Variants in PCNX1 observed in about 807,000 individuals in gnomAD.
The protein encoded by PCNX1 is pecanex 1, also known as pecanex-like protein 1.
In PCNX1, 78 loss-of-function variants were observed where a neutral mutation model predicts 242.2. The ratio of observed to expected loss-of-function variants is 0.32; its 90% CI spans 0.27 to 0.39. The LOEUF (loss-of-function observed/expected upper bound fraction) is 0.39, where lower values mean the gene tolerates loss of function less well. PCNX1 is among the 10% of genes least tolerant of loss of function. The probability of loss-of-function intolerance (pLI) is 1.00; values close to 1 mark genes in which losing one functional copy is unlikely to be tolerated. For missense variants in PCNX1, 2,581 were observed against 2,856.5 expected (o/e 0.90, Z 2.20); for synonymous variants, 1,024 against 1,032.9 (o/e 0.99, Z 0.17).
intron 26 of PCNX1, among the ~76,000 whole-genome samples, chr14:71,064,769 G>A (rs556017567): frequency 6.6e-6 from 1 of 151,920 alleles, no homozygotes; most frequent in Non-Finnish European, 1.5e-5. Flanking sequence ...CCCTCCCCTG[G>A]CCCCCATCCC....
intron 26 of PCNX1, among the ~76,000 whole-genome samples, chr14:71,067,918 TA>T (rs1044590739): frequency 2.6e-5 from 4 of 151,648 alleles, no homozygotes; most frequent in South Asian, 2.1e-4. Context: ...GTTTCACAAT[TA>T]AAAAAAAGGC....
At chr14:70,981,598 A>T (rs1466385265) in intron 6 of PCNX1, among the ~76,000 whole-genome samples, 2 of 152,176 alleles carry the variant, frequency 1.3e-5, no homozygotes, top group Non-Finnish European at 2.9e-5. Context: ...GATTACTGAG[A>T]CAGGAAATAT....
At chr14:70,939,507 T>C (rs1200504686) in intron 1 of PCNX1, among the ~76,000 whole-genome samples, 1 of 152,252 alleles carries the variant, frequency 6.6e-6, no homozygotes, top group Non-Finnish European at 1.5e-5. Context: ...CAGTTTGTTA[T>C]AACTTCTGTT....
chr14:70,922,323 G>A (rs1373700747), intron 1 of PCNX1, among the ~76,000 whole-genome samples: 1 of 151,850 alleles, frequency 6.6e-6, no homozygotes, highest in Non-Finnish European at 1.5e-5. Flanking sequence ...ATCTTTAATA[G>A]GTATTAGACA....
intron 5 of PCNX1, among the ~76,000 whole-genome samples, chr14:70,969,569 C>T (rs192642748): frequency 0.011 from 1,693 of 152,242 alleles, 14 homozygotes; most frequent in South Asian, 0.017. Flanking sequence ...AAAGAAATAC[C>T]TGAGATTGGG....
intron 1 of PCNX1, among the ~76,000 whole-genome samples, chr14:70,943,535 G>T (rs1271095649): frequency 6.6e-6 from 1 of 152,186 alleles, no homozygotes; most frequent in African/African-American, 2.4e-5. Flanking sequence ...TTTCTAAGCA[G>T]CAAAGTGTTC....
Position 70,978,156 on chromosome 14 carries a change from G to T in PCNX1, c.1819G>T (p.Asp607Tyr). ...CHDEDSSDQS[D>Y]LSRASSVQSA... is the part of the protein sequence containing the mutation. ...TGACGAAGACTCTAGTGATCAGAGT[G>T]ACTTGAGTAGAGCATCAAGTGTTCA... The change falls in exon 6 of 36, where the codon GAC (aspartate) becomes TAC (tyrosine). Residue 607 changes from aspartate (D) to tyrosine (Y), a missense_variant. Physicochemically the swap from Asp to Tyr is radical, Grantham distance 160. Around this residue, in one of 9 missense-constraint regions of PCNX1, gnomAD observed 1,204 missense variants for 1,216.7 expected, o/e 0.99. Transcript: ENST00000304743. 1 of 1,614,158 alleles carries T rather than the reference G, an allele frequency of 6.2e-7. No homozygotes were observed. Among genetic ancestry groups the T allele is most frequent in the South Asian group, 1.1e-5 (1 of 91,068 alleles).
At chr14:71,089,121 G>C in intron 29 of PCNX1, 71 bp from the exon 30 acceptor site, 1 of 1,130,010 alleles carries the variant, frequency 8.8e-7, no homozygotes, top group Non-Finnish European at 1.3e-6. Flanking sequence ...TGATGCACAC[G>C]CAGATGTAAG....
chr14:71,057,745 T>G, intron 26 of PCNX1, 21 bp downstream of exon 26: 2 of 1,534,788 alleles, frequency 1.3e-6, no homozygotes, highest in Non-Finnish European at 1.8e-6. Flanking sequence ...CATTCACCTT[T>G]TATTTCTGTA....
intron 16 of PCNX1, 52 bp downstream of exon 16, chr14:71,028,843 A>G (rs2060306292): frequency 9.0e-7 from 1 of 1,113,734 alleles, no homozygotes; most frequent in African/African-American, 1.6e-5. Flanking sequence ...TTTCTATATG[A>G]AGGTTGTTTT....
intron 2 of PCNX1, among the ~76,000 whole-genome samples, chr14:70,952,366 A>T (rs530533721): frequency 6.6e-6 from 1 of 152,330 alleles, no homozygotes; most frequent in African/African-American, 2.4e-5. Context: ...ATAAAACATT[A>T]TAAAAATACC....
At position 71,031,250 on chromosome 14, in the gene PCNX1, G is replaced by A. The variant is rs114430459; in HGVS notation, c.3559-2179G>A. The stretch of plus-strand genomic sequence containing the variant: ...ACCAGTCAAGGGAAGCTCCCTGGAA[G>A]TGTCTGTCCCTGACTCATCTACATT... On this transcript the variant is annotated intron_variant, in intron 16 of 35. Transcript: ENST00000304743. Among the ~76,000 whole-genome samples the A allele has an allele frequency of 4.7e-3, 721 of 152,334 alleles. 7 individuals are homozygous for A. Among genetic ancestry groups the A allele is most frequent in the African/African-American group, 0.017 (689 of 41,586 alleles).
At chr14:70,954,284 G>C (rs1211253961) in intron 2 of PCNX1, among the ~76,000 whole-genome samples, 1 of 152,090 alleles carries the variant, frequency 6.6e-6, no homozygotes, top group Non-Finnish European at 1.5e-5. Context: ...GCTTGCCTGT[G>C]CCATTACCAT....
At chr14:71,085,927 CT>C (rs2061977139) in intron 28 of PCNX1, 2 of 161,366 alleles carry the variant, frequency 1.2e-5, no homozygotes, top group Admixed American at 6.4e-5. Flanking sequence ...TCCTCTACGC[CT>C]TTTGCAGGAA....
chr14:70,977,735 G>C lies in PCNX1; in HGVS notation c.1398G>C (p.Glu466Asp), dbSNP rs149375520. 3.5e-4 allele frequency: 571 copies of C among 1,614,062 alleles called. No homozygotes were observed. In the African/African-American group the frequency reaches 6.8e-3, roughly 19 times the overall value. ...CGAGTACCAACAGTGGGGTTCACGA[G>C]GCCAAGGACCCCACCCCCTCTGATG... ...MEASTNSGVH[E>D]AKDPTPSDEM... The change falls in exon 6 of 36, where the codon GAG becomes GAC. Residue 466 changes from glutamate to aspartate, a missense_variant. Physicochemically the swap from Glu to Asp is conservative, Grantham distance 45. Coordinates refer to ENST00000304743, the MANE Select transcript of PCNX1 (RefSeq NM_014982.3).
intron 19 of PCNX1, among the ~76,000 whole-genome samples, chr14:71,041,780 C>CTACTA (rs71105759): frequency 0.21 from 31,633 of 149,114 alleles, 3,401 homozygotes; most frequent in East Asian, 0.28. Context: ...GCATTTATTG[C>CTACTA]TACTATACTA....
rs2062799760 is a variant in PCNX1 at position 71,113,759 on chromosome 14, A to G, written c.*3824A>G. On this transcript the variant is annotated 3_prime_UTR_variant, in exon 36 of 36. Transcript: ENST00000304743. The stretch of plus-strand genomic sequence containing the variant: ...AGAATTCTTTGAATTTATATTTACT[A>G]GCTACTTAACCATAAACTGCTGTCC... 6.6e-6 allele frequency: 1 copy of G among 152,232 alleles called. No homozygotes were observed. Among genetic ancestry groups the G allele is most frequent in the African/African-American group, 2.4e-5 (1 of 41,470 alleles). The allele number at this position is 152,232 out of a possible 1,614,324, so 9.4% of individuals were successfully genotyped here.
In PCNX1 at chr14:70,995,817, G is replaced by A. The variant is rs1283992077; in HGVS notation, c.2521G>A (p.Val841Met). 2.5e-6 allele frequency: 4 copies of A among 1,613,996 alleles called. No homozygotes were observed. Among genetic ancestry groups the A allele is most frequent in the Middle Eastern group, 1.6e-4 (1 of 6,062 alleles). The change falls in exon 8 of 36, where the codon GTG (valine) becomes ATG (methionine). Residue 841 changes from valine (V) to methionine (M), a missense_variant. This residue lies in a region of PCNX1 where 1,204 missense variants were observed against 1,216.7 expected (regional missense o/e 0.99). Transcript: ENST00000304743. ...GTCCCGCCCCCCTTCCCAGGCTGCA[G>A]TGCTCAGTGCTAGTGCCTCCTTGCT... ...VQSRPPSQAA[V>M]LSASASLLVR...
chr14:71,057,553 A>T lies in PCNX1; in HGVS notation c.4681A>T (p.Thr1561Ser). 2.5e-6 allele frequency: 4 copies of T among 1,613,758 alleles called. No individual in the cohort carries two copies. ...NLNSIFYEHL[T>S]RSLQHSLCGD... ...GAATTCCATCTTTTATGAGCATTTA[A>T]CTAGATCCCTACAGCACAGCCTCTG... Residue 1561 changes from threonine to serine, a missense_variant, in exon 26 of 36, where the codon ACT (threonine) becomes TCT (serine). Physicochemically the swap from Thr to Ser is moderately conservative, Grantham distance 58. Transcript: ENST00000304743.
Sources: allele counts gnomAD v4.1 joint callset (sites outside exome capture counted in the v4.1 genomes callset), GRCh38; gene constraint gnomAD v4.1.1; regional missense constraint gnomAD v4.1.1; transcripts MANE v1.5; gene names NCBI Gene and HGNC (gene_info 2026-07-23, HGNC 2026-07-21).